Variants in C2CD2L observed in about 807,000 individuals in gnomAD.
C2CD2L encodes phospholipid transfer protein C2CD2L.
A neutral mutation model predicts 69.9 loss-of-function variants in C2CD2L; 24 were observed. That is an observed-to-expected ratio of 0.34 (90% confidence interval 0.25 to 0.48). The LOEUF (loss-of-function observed/expected upper bound fraction) is 0.48. Ranked by LOEUF, C2CD2L falls within the 20% of genes least tolerant of loss-of-function variation. The pLI, the probability that C2CD2L is intolerant of heterozygous loss-of-function variation, is 0.99. For missense variants in C2CD2L, 811 were observed against 941.5 expected (o/e 0.86, Z 1.81); for synonymous variants, 367 against 391.0 (o/e 0.94, Z 0.72).
chr11:119,115,400 G>A (rs1212089111), intron 13 of C2CD2L: 1 of 152,366 alleles, frequency 6.6e-6, no homozygotes, highest in Non-Finnish European at 1.5e-5. Flanking sequence ...TTTAAAAGAT[G>A]AGAGGCTCAC....
chr11:119,102,806 C>T (rs1946530019), upstream of C2CD2L, among the ~76,000 whole-genome samples: 1 of 148,642 alleles, frequency 6.7e-6, no homozygotes, highest in Non-Finnish European at 1.5e-5. Context: ...TGGCCTCCTG[C>T]AGGTTGCTGT....
Position 119,118,362 on chromosome 11 carries a change from T to C in C2CD2L, c.*2106T>C, listed in dbSNP as rs537879091. On this transcript the variant is annotated 3_prime_UTR_variant, in exon 14 of 14. Coordinates refer to ENST00000648610, the MANE Select transcript of C2CD2L (RefSeq NM_001290474.2). Reference sequence around the variant, plus strand: ...AATATGCCATATTTGACTTTGTTTCTGAGTTATTTCACCGAGGATAATGGC... The same window carrying C: ...AATATGCCATATTTGACTTTGTTTCCGAGTTATTTCACCGAGGATAATGGC... 2.0e-5 allele frequency: 3 copies of C among 152,342 alleles called. No homozygotes were observed. The highest frequency in any genetic ancestry group is 7.2e-5 in the African/African-American group (3 of 41,584). 9.4% of individuals were successfully genotyped at this position (152,342 alleles called of 1,614,324 possible). A position where few individuals can be genotyped will look rare whatever the true frequency, so the allele number is the denominator to read the frequency against.
chr11:119,110,256 G>A lies in C2CD2L; in HGVS notation c.450+57G>A. On this transcript the variant is annotated intron_variant, in intron 2 of 13. Coordinates refer to ENST00000648610, the MANE Select transcript of C2CD2L (RefSeq NM_001290474.2). The surrounding 1 kb of genome is among the most constrained non-coding windows in gnomAD (Gnocchi z 5.7). ...GGTCCAAGAAGGACTGACCCCAAGG[G>A]CTCCCTTTAGTCCAGAGGTTCTTAA... 7.9e-7 allele frequency: 1 copy of A among 1,261,362 alleles called. No homozygotes were observed. Among genetic ancestry groups the A allele is most frequent in the African/African-American group, 1.5e-5 (1 of 68,092 alleles). 78.1% of individuals were successfully genotyped at this position (1,261,362 alleles called of 1,614,324 possible).
upstream of C2CD2L, among the ~76,000 whole-genome samples, chr11:119,103,526 G>A (rs897978945): frequency 5.3e-5 from 8 of 152,078 alleles, no homozygotes; most frequent in East Asian, 1.9e-4. Context: ...GTGAAACCCC[G>A]TCTCTACTGA....
rs1396369616 is a variant in C2CD2L at position 119,110,165 on chromosome 11, A to G, written c.416A>G (p.His139Arg). 2 of 1,613,818 alleles carry G rather than the reference A, an allele frequency of 1.2e-6. No homozygotes were observed. The highest frequency in any genetic ancestry group is 1.7e-5 in the Admixed American group (1 of 59,998). The change falls in exon 2 of 14, where the codon CAT becomes CGT. Residue 139 changes from histidine to arginine, a missense_variant. By Grantham distance (29) the His-to-Arg change is conservative. Coordinates refer to ENST00000648610, the MANE Select transcript of C2CD2L (RefSeq NM_001290474.2). This position sits in a 1 kb window ranked among gnomAD's most constrained non-coding sequence, Gnocchi z 5.7. The stretch of plus-strand genomic sequence containing the variant: ...CTCCCACCCAGAGCCAGCATCAGTC[A>G]TGTGACCTGCGTAGACCAATCTGAG... The part of the protein sequence containing the change: ...PQLPPRASIS[H>R]VTCVDQSEHT...
At chr11:119,115,749 A>G (rs1196761992) in intron 13 of C2CD2L, 1 of 485,524 alleles carries the variant, frequency 2.1e-6, no homozygotes, top group African/African-American at 1.9e-5. Flanking sequence ...CAGCTCCGTG[A>G]TATCTCTTTT....
At position 119,114,622 on chromosome 11, in the gene C2CD2L, A is replaced by C; in HGVS notation, c.1909+257A>C. 2 of 480,316 alleles carry C rather than the reference A, an allele frequency of 4.2e-6. No individual in the cohort carries two copies. The highest frequency in any genetic ancestry group is 2.5e-5 in the South Asian group (1 of 40,060). The allele number at this position is 480,316 out of a possible 1,614,324, so 29.8% of individuals were successfully genotyped here. A position where few individuals can be genotyped will look rare whatever the true frequency, so the allele number is the denominator to read the frequency against. On this transcript the variant is annotated intron_variant, in intron 13 of 13. Coordinates refer to ENST00000648610, the MANE Select transcript of C2CD2L (RefSeq NM_001290474.2). This position sits in a 1 kb window ranked among gnomAD's most constrained non-coding sequence, Gnocchi z 5.1. ...TTCTTTCTTCCTGAGTCTAAGTGCC[A>C]TTTTTCCTGCCCTTTAAAAAAAAAT...
rs1946698858 is a variant in C2CD2L, at chr11:119,110,244, C to G, written c.450+45C>G. 2 of 1,404,272 alleles carry G rather than the reference C, an allele frequency of 1.4e-6. No individual in the cohort carries two copies. Among genetic ancestry groups the G allele is most frequent in the Non-Finnish European group, 2.0e-6 (2 of 989,118 alleles). 87.0% of individuals were successfully genotyped at this position (1,404,272 alleles called of 1,614,324 possible). A position where few individuals can be genotyped will look rare whatever the true frequency, so the allele number is the denominator to read the frequency against. On this transcript the variant is annotated intron_variant, in intron 2 of 13. Coordinates refer to ENST00000648610, the MANE Select transcript of C2CD2L (RefSeq NM_001290474.2). This position sits in a 1 kb window ranked among gnomAD's most constrained non-coding sequence, Gnocchi z 5.7. ...TGCCCTCTTTGGGGTCCAAGAAGGA[C>G]TGACCCCAAGGGCTCCCTTTAGTCC...
chr11:119,103,688 A>T (rs200469653), upstream of C2CD2L, among the ~76,000 whole-genome samples: 1 of 152,090 alleles, frequency 6.6e-6, no homozygotes, highest in Admixed American at 6.5e-5. Context: ...CAGAGGGGAA[A>T]CTGTCTCAAA....
At position 119,114,170 on chromosome 11, in the gene C2CD2L, G is replaced by A. The variant is rs757227674; in HGVS notation, c.1714G>A (p.Gly572Ser). 1.2e-5 allele frequency: 20 copies of A among 1,614,008 alleles called. No individual in the cohort carries two copies. In the East Asian group the frequency reaches 2.7e-4, roughly 22 times the overall value. Residue 572 changes from glycine to serine, a missense_variant, in exon 13 of 14, where the codon GGC (glycine) becomes AGC (serine). Transcript: ENST00000648610. This position sits in a 1 kb window ranked among gnomAD's most constrained non-coding sequence, Gnocchi z 5.1. ...SVQDDAGTSG[G>S]PSSPPSDPPA... is the part of the protein sequence containing the mutation. ...GCAGGATGATGCAGGGACCAGCGGA[G>A]GCCCCTCTTCACCTCCCTCAGACCC... is the stretch of plus-strand genomic sequence containing the variant.
upstream of C2CD2L, among the ~76,000 whole-genome samples, chr11:119,102,692 G>A (rs1946528836): frequency 6.6e-6 from 1 of 151,750 alleles, no homozygotes; most frequent in African/African-American, 2.4e-5. Context: ...CTGAGGCTCT[G>A]GAAAGAGCTG....
At chr11:119,112,214 T>G in intron 7 of C2CD2L, 114 bp from the exon 8 acceptor site, 1 of 870,032 alleles carries the variant, frequency 1.1e-6, no homozygotes, top group Non-Finnish European at 1.8e-6. Context: ...GATTGGAGCA[T>G]TTATGCCGTT....
In C2CD2L at chr11:119,113,965, C is replaced by G. The variant is rs1946819660; in HGVS notation, c.1600C>G (p.Leu534Val). Residue 534 changes from leucine to valine, a missense_variant, in exon 12 of 14, where the codon CTC becomes GTC. Physicochemically the swap from Leu to Val is conservative, Grantham distance 32. Transcript: ENST00000648610. ...GAAGACACCCACCAAGCGCAGCACT[C>G]TCATCATCTCTGGTGTTTCCAAGGT... is the stretch of plus-strand genomic sequence containing the variant. ...AKKTPTKRST[L>V]IISGVSKVPI... 4.3e-6 allele frequency: 7 copies of G among 1,614,080 alleles called. No individual in the cohort carries two copies. The highest frequency in any genetic ancestry group is 1.3e-5 in the African/African-American group (1 of 74,924).
chr11:119,111,698 T>C, intron 7 of C2CD2L, 69 bp downstream of exon 7: 1 of 1,069,360 alleles, frequency 9.4e-7, no homozygotes, highest in Admixed American at 2.3e-5. Context: ...AGCACAGTCC[T>C]TGCAGGAATC....
Position 119,114,630 on chromosome 11 carries a change from T to G in C2CD2L, c.1909+265T>G. On this transcript the variant is annotated intron_variant, in intron 13 of 13. Transcript: ENST00000648610. The surrounding 1 kb of genome is among the most constrained non-coding windows in gnomAD (Gnocchi z 5.1). Reference sequence around the variant, plus strand: ...TCCTGAGTCTAAGTGCCATTTTTCCTGCCCTTTAAAAAAAAATTATAAAAA... The same window carrying G: ...TCCTGAGTCTAAGTGCCATTTTTCCGGCCCTTTAAAAAAAAATTATAAAAA... 2.3e-6 allele frequency: 1 copy of G among 431,242 alleles called. No individual in the cohort carries two copies. Among genetic ancestry groups the G allele is most frequent in the Non-Finnish European group, 4.0e-6 (1 of 251,926 alleles). 26.7% of individuals were successfully genotyped at this position (431,242 alleles called of 1,614,324 possible).
upstream of C2CD2L, among the ~76,000 whole-genome samples, chr11:119,103,876 TTGTG>T (rs961536159): frequency 1.3e-5 from 2 of 152,358 alleles, no homozygotes; most frequent in Admixed American, 1.3e-4. Flanking sequence ...TCTGTGTGTG[TTGTG>T]TGTATGCACG....
At position 119,113,046 on chromosome 11, in the gene C2CD2L, C is replaced by G. The variant is rs891534012; in HGVS notation, c.1387+172C>G. On this transcript the variant is annotated intron_variant, in intron 10 of 13. Transcript: ENST00000648610. ...AATCTTTGTCTCTTCCAAACTTTCC[C>G]TTACCTCCTGCCATTTCCCCAGCAA... 1.7e-5 allele frequency: 11 copies of G among 629,596 alleles called. No individual in the cohort carries two copies. In the South Asian group the frequency reaches 2.2e-4, roughly 12 times the overall value. 39.0% of individuals were successfully genotyped at this position (629,596 alleles called of 1,614,324 possible). A position where few individuals can be genotyped will look rare whatever the true frequency, so the allele number is the denominator to read the frequency against.
At position 119,117,643 on chromosome 11, in the gene C2CD2L, A is replaced by G. The variant is rs1946926073; in HGVS notation, c.*1387A>G. 6.6e-6 allele frequency: 1 copy of G among 152,228 alleles called. No homozygotes were observed. Among genetic ancestry groups the G allele is most frequent in the Admixed American group, 6.5e-5 (1 of 15,290 alleles). The allele number at this position is 152,228 out of a possible 1,614,324, so 9.4% of individuals were successfully genotyped here. Reference sequence around the variant, plus strand: ...AGGGGGAAGTCTTAGAAGTGTTTCAACATAATAAAAGCTCTCTCATTCTGA... The same window carrying G: ...AGGGGGAAGTCTTAGAAGTGTTTCAGCATAATAAAAGCTCTCTCATTCTGA... On this transcript the variant is annotated 3_prime_UTR_variant, in exon 14 of 14. Coordinates refer to ENST00000648610, the MANE Select transcript of C2CD2L (RefSeq NM_001290474.2).
intron 10 of C2CD2L, 132 bp from the exon 11 acceptor site, chr11:119,113,479 C>T: frequency 1.3e-5 from 18 of 1,374,826 alleles, no homozygotes; most frequent in Non-Finnish European, 1.8e-5. Flanking sequence ...TTCCTAATCA[C>T]CCTTGTGATT....
Sources: allele counts gnomAD v4.1 joint callset (sites outside exome capture counted in the v4.1 genomes callset), GRCh38; gene constraint gnomAD v4.1.1; non-coding constraint Gnocchi (gnomAD v3.1); transcripts MANE v1.5; gene names NCBI Gene and HGNC (gene_info 2026-07-23, HGNC 2026-07-21).